Variants in SENP7 observed in about 807,000 individuals in gnomAD.
SENP7 encodes sentrin-specific protease 7.
Under a neutral mutation model 141.2 loss-of-function variants are expected in SENP7, and 64 were observed. That is an observed-to-expected ratio of 0.45 (90% CI 0.37 to 0.56). The LOEUF (loss-of-function observed/expected upper bound fraction) is 0.56. Ranked by LOEUF, SENP7 falls within the 20% of genes least tolerant of loss-of-function variation. The probability of loss-of-function intolerance (pLI) is 0.00; values close to 1 mark genes in which losing one functional copy is unlikely to be tolerated. For missense variants in SENP7, 1,025 were observed against 1,212.2 expected (o/e 0.85, Z 2.29); for synonymous variants, 382 against 426.4 (o/e 0.90, Z 1.28).
intron 13 of SENP7, among the ~76,000 whole-genome samples, chr3:101,344,834 G>C (rs1441430019): frequency 6.6e-6 from 1 of 151,690 alleles, no homozygotes; most frequent in Non-Finnish European, 1.5e-5. Context: ...ATGACCAAGG[G>C]CAAGAAACTC....
intron 5 of SENP7, among the ~76,000 whole-genome samples, chr3:101,416,603 T>G (rs1470332008): frequency 1.3e-5 from 2 of 152,234 alleles, no homozygotes; most frequent in African/African-American, 4.8e-5. Flanking sequence ...AGATTTACAG[T>G]GTTTTAGAAA....
intron 3 of SENP7, among the ~76,000 whole-genome samples, chr3:101,475,361 T>C (rs2064173639): frequency 6.6e-6 from 1 of 152,196 alleles, no homozygotes; most frequent in Non-Finnish European, 1.5e-5. Flanking sequence ...CATCAGGGAA[T>C]ACTATGCAGC....
intron 3 of SENP7, among the ~76,000 whole-genome samples, chr3:101,465,140 A>AG (rs919514226): frequency 2.6e-5 from 4 of 151,828 alleles, no homozygotes; most frequent in African/African-American, 9.7e-5. Flanking sequence ...ACACACCATT[A>AG]GGGGGGTGGA....
At chr3:101,504,799 G>A (rs2065528582) in intron 1 of SENP7, among the ~76,000 whole-genome samples, 1 of 152,170 alleles carries the variant, frequency 6.6e-6, no homozygotes, top group African/African-American at 2.4e-5. Context: ...CAGGATGACT[G>A]CTTGAGCCCA....
intron 4 of SENP7, among the ~76,000 whole-genome samples, chr3:101,450,982 GAAGAA>G (rs1396844420): frequency 2.6e-5 from 4 of 151,980 alleles, no homozygotes; most frequent in Non-Finnish European, 1.5e-5. Context: ...GACTAATAAA[GAAGAA>G]AAGAGAGAAA....
At chr3:101,348,113 C>A in intron 12 of SENP7, 62 bp from the exon 13 acceptor site, 1 of 1,089,170 alleles carries the variant, frequency 9.2e-7, no homozygotes, top group African/African-American at 1.6e-5. Context: ...ACCACTTAAA[C>A]ATTATATGAC....
intron 2 of SENP7, among the ~76,000 whole-genome samples, chr3:101,495,751 C>T (rs1316224565): frequency 1.3e-5 from 2 of 152,020 alleles, no homozygotes; most frequent in East Asian, 1.9e-4. Context: ...CCTGTCAGAC[C>T]GGTAGAGGGA....
At chr3:101,443,471 T>G (rs1161402296) in intron 4 of SENP7, among the ~76,000 whole-genome samples, 1 of 151,126 alleles carries the variant, frequency 6.6e-6, no homozygotes, top group East Asian at 1.9e-4. Flanking sequence ...AAGTAGTTTT[T>G]TCCAATTCTG....
At chr3:101,381,078 C>T (rs1020483806) in intron 6 of SENP7, among the ~76,000 whole-genome samples, 1 of 152,080 alleles carries the variant, frequency 6.6e-6, no homozygotes, top group Non-Finnish European at 1.5e-5. Flanking sequence ...ACTTAAAATT[C>T]AGAAAAGTGG....
intron 3 of SENP7, among the ~76,000 whole-genome samples, chr3:101,461,388 T>G (rs560322390): frequency 1.3e-4 from 20 of 151,838 alleles, no homozygotes; most frequent in African/African-American, 3.9e-4. Context: ...CCCCTAAAAT[T>G]TATATGGAAA....
intron 1 of SENP7, among the ~76,000 whole-genome samples, chr3:101,508,285 G>A (rs1256694043): frequency 6.6e-6 from 1 of 151,868 alleles, no homozygotes; most frequent in Non-Finnish European, 1.5e-5. Context: ...CTCCATTTCA[G>A]CAATACGCAT....
intron 15 of SENP7, 115 bp from the exon 16 acceptor site, chr3:101,340,326 G>C (rs928916241): frequency 7.8e-7 from 1 of 1,276,684 alleles, no homozygotes; most frequent in African/African-American, 1.6e-5. Context: ...AATCTGTAGG[G>C]TAAAAAACAT....
intron 4 of SENP7, 151 bp from the exon 5 acceptor site, chr3:101,417,941 A>G (rs892186894): frequency 3.3e-6 from 2 of 608,714 alleles, no homozygotes; most frequent in Admixed American, 6.4e-5. Flanking sequence ...ATGCCTAACT[A>G]TTATCAAAGA....
Position 101,343,796 on chromosome 3 carries a change from T to G in SENP7, c.1996A>C (p.Asn666His), listed in dbSNP as rs2059387368. ...AAAGAACTTTCTTTTGAAGAGAGGT[T>G]CTGAAACAAAGGAAATGCCTGAACC... ...SWVQAFPLFQ[N>H]LSSKESSFIH... Residue 666 changes from asparagine (N) to histidine (H), a missense_variant, in exon 14 of 24, where the codon AAC becomes CAC. Transcript: ENST00000394095. 1.2e-6 allele frequency: 2 copies of G among 1,613,958 alleles called. No individual in the cohort carries two copies. The highest frequency in any genetic ancestry group is 2.2e-5 in the South Asian group (2 of 91,078).
At chr3:101,512,725 G>A (rs924112999) in intron 1 of SENP7, among the ~76,000 whole-genome samples, 1 of 152,194 alleles carries the variant, frequency 6.6e-6, no homozygotes, top group East Asian at 1.9e-4. Context: ...GTGGGGTCAG[G>A]CGCTGAGAAG....
chr3:101,452,288 C>T (rs974725355), intron 4 of SENP7, among the ~76,000 whole-genome samples: 15 of 152,262 alleles, frequency 9.9e-5, no homozygotes, highest in Admixed American at 2.6e-4. Context: ...GGCCATACTG[C>T]CCAAGGTAAT....
chr3:101,329,618 T>C (rs536489469), intron 20 of SENP7, among the ~76,000 whole-genome samples: 5 of 151,992 alleles, frequency 3.3e-5, no homozygotes, highest in Admixed American at 6.6e-5. Flanking sequence ...TGGATTCACT[T>C]TCAGTCTACC....
At chr3:101,370,483 C>T (rs970617081) in intron 7 of SENP7, among the ~76,000 whole-genome samples, 3 of 152,114 alleles carry the variant, frequency 2.0e-5, no homozygotes, top group Admixed American at 1.3e-4. Context: ...ATAGTATTTG[C>T]ATATAACCTA....
intron 5 of SENP7, 35 bp downstream of exon 5, chr3:101,417,558 G>T (rs9859077): frequency 3.4e-6 from 5 of 1,491,522 alleles, no homozygotes; most frequent in African/African-American, 1.4e-5. Context: ...TTTCAAATGT[G>T]GTAAGTTGAA....
Sources: gnomAD v4.1 joint callset for allele counts (sites outside exome capture counted in the v4.1 genomes callset) on GRCh38, gnomAD v4.1.1 for gene constraint, MANE v1.5 for transcripts, NCBI Gene and HGNC (gene_info 2026-07-23, HGNC 2026-07-21) for gene names.